The following CAMK1G variants were observed in gnomAD, a reference collection of about 807,000 sequenced individuals.
The protein encoded by CAMK1G is calcium/calmodulin-dependent protein kinase type 1G.
Under a neutral mutation model 54.8 loss-of-function variants are expected in CAMK1G, and 27 were observed. The observed-to-expected ratio is 0.49, with a 90% CI of 0.36 to 0.68. The LOEUF (loss-of-function observed/expected upper bound fraction) is 0.68, where lower values mean the gene tolerates loss of function less well. CAMK1G is among the 30% of genes least tolerant of loss of function. The pLI is 0.00. For missense variants in CAMK1G, 512 were observed against 591.0 expected (o/e 0.87, Z 1.39); for synonymous variants, 238 against 224.9 (o/e 1.06, Z -0.52).
chr1:209,606,207 G>A, intron 5 of CAMK1G, 113 bp from the exon 6 acceptor site: 3 of 1,355,426 alleles, frequency 2.2e-6, no homozygotes, highest in Non-Finnish European at 3.1e-6. Flanking sequence ...GGATGAGCTG[G>A]CCTTGAAGTC....
At chr1:209,590,569 A>C (rs1187749553) in intron 1 of CAMK1G, among the ~76,000 whole-genome samples, 1 of 152,208 alleles carries the variant, frequency 6.6e-6, no homozygotes, top group African/African-American at 2.4e-5. Flanking sequence ...GTGAGTACAG[A>C]TCTGCTAATG....
chr1:209,599,904 T>C (rs1301834671), intron 2 of CAMK1G, 79 bp from the exon 3 acceptor site: 2 of 1,554,544 alleles, frequency 1.3e-6, no homozygotes, highest in South Asian at 1.1e-5. Flanking sequence ...CTCTGTTACG[T>C]CCTTTCTGAG....
At position 209,612,870 on chromosome 1, in the gene CAMK1G, A is replaced by G. The variant is rs1665817321; in HGVS notation, c.1426A>G (p.Met476Val). The G allele has an allele frequency of 6.2e-7, 1 of 1,607,504 alleles. No individual in the cohort carries two copies. Among genetic ancestry groups the G allele is most frequent in the Admixed American group, 1.7e-5 (1 of 59,996 alleles). ...RAGQTGVCLI[M>V] Reference sequence around the variant, plus strand: ...AGGGCAGACTGGAGTCTGTCTCATTATGTGATTCCTGGAGCCTGTGCCTAT... The same window carrying G: ...AGGGCAGACTGGAGTCTGTCTCATTGTGTGATTCCTGGAGCCTGTGCCTAT... The change falls in exon 12 of 13, where the codon ATG becomes GTG. Residue 476 changes from methionine to valine, a missense_variant. Around this residue, in one of 3 missense-constraint regions of CAMK1G, gnomAD observed 315 missense variants for 330.5 expected, o/e 0.95. Coordinates refer to ENST00000361322, the MANE Select transcript of CAMK1G (RefSeq NM_020439.3).
chr1:209,612,221 GT>G lies in CAMK1G; in HGVS notation c.1340+6del. On this transcript the variant is annotated splice_donor_region_variant and intron_variant, in intron 11 of 12. Transcript: ENST00000361322. Reference sequence around the variant, plus strand: ...CAAAAAGGCCAACAAAAAACAGTACGTATTTTTAGCCAAAGATGGAGCCCCA... The same window carrying G: ...CAAAAAGGCCAACAAAAAACAGTACGATTTTTAGCCAAAGATGGAGCCCCA... 1 of 1,610,312 alleles carries G rather than the reference GT, an allele frequency of 6.2e-7. No homozygotes were observed. The highest frequency in any genetic ancestry group is 8.5e-7 in the Non-Finnish European group (1 of 1,177,026).
intron 4 of CAMK1G, 114 bp downstream of exon 4, chr1:209,603,402 T>G: frequency 1.3e-6 from 1 of 783,052 alleles, no homozygotes. Context: ...AAATGAAGAC[T>G]TCATTCAGGA....
intron 5 of CAMK1G, 24 bp downstream of exon 5, chr1:209,605,698 G>C (rs1470232146): frequency 2.5e-6 from 4 of 1,607,144 alleles, no homozygotes; most frequent in Non-Finnish European, 3.4e-6. Context: ...AGTCCTGGGT[G>C]GGAAACAGAT....
intron 3 of CAMK1G, 21 bp from the exon 4 acceptor site, chr1:209,603,193 C>T: frequency 6.2e-7 from 1 of 1,613,664 alleles, no homozygotes; most frequent in Non-Finnish European, 8.5e-7. Flanking sequence ...TACCTTTCAT[C>T]ATGCACTTTA....
At chr1:209,601,120 C>T (rs1325869407) in intron 3 of CAMK1G, among the ~76,000 whole-genome samples, 1 of 152,110 alleles carries the variant, frequency 6.6e-6, no homozygotes, top group African/African-American at 2.4e-5. Context: ...GTCTGATTAA[C>T]ATGTTGGAGC....
intron 3 of CAMK1G, among the ~76,000 whole-genome samples, chr1:209,602,748 G>A (rs1344608597): frequency 2.0e-5 from 3 of 152,074 alleles, no homozygotes; most frequent in African/African-American, 7.3e-5. Context: ...CCATCTCTAA[G>A]GTATATCATT....
At chr1:209,611,578 G>A (rs764166567) in intron 10 of CAMK1G, 26 bp downstream of exon 10, 3 of 1,604,710 alleles carry the variant, frequency 1.9e-6, no homozygotes, top group Non-Finnish European at 2.6e-6. Flanking sequence ...CAGGGGGTGG[G>A]AAAGCTGTTC....
At chr1:209,588,129 C>T (rs550254179) in intron 1 of CAMK1G, among the ~76,000 whole-genome samples, 1 of 152,288 alleles carries the variant, frequency 6.6e-6, no homozygotes, top group East Asian at 1.9e-4. Flanking sequence ...TGCTCAGAAG[C>T]CCCTAGTGAC....
At chr1:209,599,143 G>T (rs772721179) in intron 2 of CAMK1G, among the ~76,000 whole-genome samples, 4 of 152,236 alleles carry the variant, frequency 2.6e-5, no homozygotes, top group South Asian at 4.1e-4. Context: ...ATCAGATCCC[G>T]TGAGAACTCA....
In CAMK1G at chr1:209,600,150, C is replaced by G. The variant is rs1665491054; in HGVS notation, c.221+39C>G. On this transcript the variant is annotated intron_variant, in intron 3 of 12. Transcript: ENST00000361322. ...AGTGTTGACTGGATCACTATGGGAT[C>G]ACAACATTTTCTTCACAAATTACCT... 2.5e-6 allele frequency: 4 copies of G among 1,598,018 alleles called. No homozygotes were observed. In the East Asian group the frequency reaches 9.0e-5, roughly 36 times the overall value.
chr1:209,597,104 G>A (rs1260655657), intron 2 of CAMK1G, among the ~76,000 whole-genome samples: 2 of 152,320 alleles, frequency 1.3e-5, no homozygotes, highest in East Asian at 3.9e-4. Flanking sequence ...GTATTCCCAG[G>A]CTGCAGACCC....
intron 2 of CAMK1G, among the ~76,000 whole-genome samples, chr1:209,595,665 C>T (rs1483326213): frequency 6.6e-6 from 1 of 152,210 alleles, no homozygotes; most frequent in East Asian, 1.9e-4. Context: ...TCTTCTTCTG[C>T]TCTAACTGGA....
chr1:209,605,822 T>C, intron 5 of CAMK1G, 148 bp downstream of exon 5: 1 of 715,560 alleles, frequency 1.4e-6, no homozygotes, highest in Non-Finnish European at 2.2e-6. Context: ...TAAACAGACC[T>C]TGGATGAGTG....
chr1:209,612,860 CTG>C lies in CAMK1G; in HGVS notation c.1418_1419del (p.Cys473SerfsTer45), dbSNP rs1212399277. 6.2e-7 allele frequency: 1 copy of C among 1,611,960 alleles called. No homozygotes were observed. The highest frequency in any genetic ancestry group is 1.7e-5 in the Admixed American group (1 of 60,022). On this transcript the variant is annotated frameshift_variant, in exon 12 of 13. Transcript: ENST00000361322. LOFTEE classifies it high-confidence loss of function. ...SHCRAGQTGV[C>X]LIM is the part of the protein sequence containing the mutation. ...ACTGCCGGGCAGGGCAGACTGGAGTCTGTCTCATTATGTGATTCCTGGAGCCT... is the reference window on the plus strand; with the variant it reads ...ACTGCCGGGCAGGGCAGACTGGAGTCTCTCATTATGTGATTCCTGGAGCCT...
At chr1:209,601,169 G>C (rs902057321) in intron 3 of CAMK1G, among the ~76,000 whole-genome samples, 2 of 152,202 alleles carry the variant, frequency 1.3e-5, no homozygotes, top group African/African-American at 4.8e-5. Context: ...ATTGGAGGGT[G>C]CCAGCCTAGA....
intron 6 of CAMK1G, among the ~76,000 whole-genome samples, chr1:209,606,839 C>A (rs1327233733): frequency 1.3e-5 from 2 of 152,174 alleles, no homozygotes; most frequent in African/African-American, 2.4e-5. Context: ...ACATTAGCCC[C>A]CAGTTCTTGG....
Sources: allele counts gnomAD v4.1 joint callset (sites outside exome capture counted in the v4.1 genomes callset), GRCh38; gene constraint gnomAD v4.1.1; regional missense constraint gnomAD v4.1.1; transcripts MANE v1.5; gene names NCBI Gene and HGNC (gene_info 2026-07-23, HGNC 2026-07-21).